The following C14orf180 variants were observed in gnomAD, a reference collection of about 807,000 sequenced individuals.
C14orf180 encodes the protein chromosome 14 open reading frame 180, also known as nutritionally-regulated adipose and cardiac enriched protein homolog.
In C14orf180, 13 loss-of-function variants were observed where a neutral mutation model predicts 13.9. That is an observed-to-expected ratio of 0.94 (90% CI 0.61 to 1.49). The LOEUF (loss-of-function observed/expected upper bound fraction) is 1.49, where lower values mean the gene tolerates loss of function less well. C14orf180 is among the 40% of genes most tolerant of loss of function. The pLI is 0.00. For missense variants in C14orf180, 238 were observed against 232.0 expected, an observed-to-expected ratio of 1.03 and a Z score of -0.17; for synonymous variants, 113 against 106.3, an observed-to-expected ratio of 1.06 and a Z score of -0.39.
At chr14:104,583,122 G>A (rs1226765118) in intron 1 of C14orf180, among the ~76,000 whole-genome samples, 2 of 152,204 alleles carry the variant, frequency 1.3e-5, no homozygotes, top group Admixed American at 6.5e-5. Context: ...CATGGCCCAC[G>A]TGAAGGTGCA....
At chr14:104,588,457 G>A in intron 4 of C14orf180, 121 bp from the exon 5 acceptor site, 1 of 1,466,128 alleles carries the variant, frequency 6.8e-7, no homozygotes. Flanking sequence ...ACCCCAAGAG[G>A]CTAGGGAGGG....
intron 1 of C14orf180, among the ~76,000 whole-genome samples, chr14:104,586,200 T>C (rs1442679174): frequency 6.6e-6 from 1 of 152,094 alleles, no homozygotes; most frequent in Non-Finnish European, 1.5e-5. Flanking sequence ...GCAAAGGAAA[T>C]TGCTTGCGAT....
intron 1 of C14orf180, 45 bp from the exon 2 acceptor site, chr14:104,586,370 G>C: frequency 8.2e-7 from 1 of 1,213,828 alleles, no homozygotes; most frequent in African/African-American, 1.6e-5. Flanking sequence ...TCCTCTGAGT[G>C]CCACTTGTGC....
In C14orf180 at chr14:104,588,690, G is replaced by C; in HGVS notation, c.390G>C (p.Thr130=). The C allele has an allele frequency of 6.5e-7, 1 of 1,535,380 alleles. No individual in the cohort carries two copies. The highest frequency in any genetic ancestry group is 8.7e-7 in the Non-Finnish European group (1 of 1,146,098). Residue 130 remains threonine (T), a synonymous_variant, in exon 5 of 5, where the codon ACG becomes ACC. Coordinates refer to ENST00000557649, the MANE Select transcript of C14orf180 (RefSeq NM_001008404.3). Reference sequence around the variant, plus strand: ...GCGGCCGGGCCAAGCCCGTGGCAACGGCACTGGAGGACCTGCGGGCCCGGC... The same window carrying C: ...GCGGCCGGGCCAAGCCCGTGGCAACCGCACTGGAGGACCTGCGGGCCCGGC... ...LYCGRAKPVA[T]ALEDLRARLL...
rs1036218786 is a variant in C14orf180 at position 104,590,342 on chromosome 14, A to C, written c.*1559A>C. ...AGAGGTTGGGTCTCTCAGAGCAGTC[A>C]CAGGCCCAGGCTCAGCCCTGTGTGC... On this transcript the variant is annotated 3_prime_UTR_variant, in exon 5 of 5. Transcript: ENST00000557649. 2 of 151,462 alleles carry C rather than the reference A, an allele frequency of 1.3e-5. No individual in the cohort carries two copies. Among genetic ancestry groups the C allele is most frequent in the African/African-American group, 4.9e-5 (2 of 41,138 alleles). 9.4% of individuals were successfully genotyped at this position (151,462 alleles called of 1,614,324 possible).
intron 1 of C14orf180, among the ~76,000 whole-genome samples, chr14:104,584,972 C>T (rs1057362422): frequency 6.6e-6 from 1 of 152,198 alleles, no homozygotes; most frequent in African/African-American, 2.4e-5. Flanking sequence ...AACCACTCCT[C>T]CCACAGGCCT....
rs550394387 is a variant in C14orf180 at position 104,582,970 on chromosome 14, G to A, written c.-17+2967G>A. Among the ~76,000 whole-genome samples the A allele has an allele frequency of 2.0e-5, 3 of 152,216 alleles. No homozygotes were observed. The East Asian group carries it at 5.8e-4, about 30-fold the overall frequency. ...CACTGGGGAAAATGAGGCCCAGGGAGGTCACACCACTTACCCGAGGTCACA... is the reference window on the plus strand; with the variant it reads ...CACTGGGGAAAATGAGGCCCAGGGAAGTCACACCACTTACCCGAGGTCACA... On this transcript the variant is annotated intron_variant, in intron 1 of 4. Coordinates refer to ENST00000557649, the MANE Select transcript of C14orf180 (RefSeq NM_001008404.3).
Position 104,588,671 on chromosome 14 carries a change from G to A in C14orf180, c.371G>A (p.Arg124Gln), listed in dbSNP as rs1403098326. 18 of 1,534,588 alleles carry A rather than the reference G, an allele frequency of 1.2e-5. No individual in the cohort carries two copies. The East Asian group carries it at 1.2e-4, about 10-fold the overall frequency. Reference protein sequence around the residue: ...LVLALGLYCGRAKPVATALED... With the variant: ...LVLALGLYCGQAKPVATALED... ...CTGGCCCTGGGCCTATACTGCGGCC[G>A]GGCCAAGCCCGTGGCAACGGCACTG... The change falls in exon 5 of 5, where the codon CGG (arginine) becomes CAG (glutamine). Residue 124 changes from arginine to glutamine, a missense_variant. Arg to Gln is a conservative substitution (Grantham distance 43). Transcript: ENST00000557649.
Position 104,588,702 on chromosome 14 carries a change from C to A in C14orf180, c.402C>A (p.Asp134Glu). ...RAKPVATALE[D>E]LRARLLGLVL... ...AGCCCGTGGCAACGGCACTGGAGGA[C>A]CTGCGGGCCCGGCTCCTCGGCCTTG... The change falls in exon 5 of 5, where the codon GAC becomes GAA. Residue 134 changes from aspartate (D) to glutamate (E), a missense_variant. By Grantham distance (45) the Asp-to-Glu change is conservative (BLOSUM62 2). Transcript: ENST00000557649. 2 of 1,535,686 alleles carry A rather than the reference C, an allele frequency of 1.3e-6. No homozygotes were observed. The highest frequency in any genetic ancestry group is 1.4e-5 in the African/African-American group (1 of 73,146).
Position 104,588,635 on chromosome 14 carries a change from T to C in C14orf180, c.335T>C (p.Val112Ala). 6.6e-7 allele frequency: 1 copy of C among 1,518,362 alleles called. No individual in the cohort carries two copies. Among genetic ancestry groups the C allele is most frequent in the Non-Finnish European group, 8.8e-7 (1 of 1,136,044 alleles). The allele number at this position is 1,518,362 out of a possible 1,614,324, so 94.1% of individuals were successfully genotyped here. Residue 112 changes from valine (V) to alanine (A), a missense_variant, in exon 5 of 5, where the codon GTC becomes GCC. By Grantham distance (64) the Val-to-Ala change is moderately conservative. Coordinates refer to ENST00000557649, the MANE Select transcript of C14orf180 (RefSeq NM_001008404.3). ...CTGCTCCTGCAGCTGTGTGTGTGCG[T>C]CCTGCTCGTGCTGGCCCTGGGCCTA... The part of the protein sequence containing the change: ...GSLLLQLCVC[V>A]LLVLALGLYC...
In C14orf180 at chr14:104,587,813, A is replaced by G; in HGVS notation, c.176A>G (p.Glu59Gly). The change falls in exon 3 of 5, where the codon GAG becomes GGG. Residue 59 changes from glutamate to glycine, a missense_variant. Glu to Gly is a moderately conservative substitution (Grantham distance 98). Coordinates refer to ENST00000557649, the MANE Select transcript of C14orf180 (RefSeq NM_001008404.3). ...KRSRPEHHRP[E>G]AKPQRTSRRV... is the part of the protein sequence containing the mutation. ...AGCCGGCCGGAGCACCACCGCCCAGAGGCCAAGCCCCAGAGGACCTCGAGG... is the reference window on the plus strand; with the variant it reads ...AGCCGGCCGGAGCACCACCGCCCAGGGGCCAAGCCCCAGAGGACCTCGAGG... The G allele has an allele frequency of 1.2e-6, 2 of 1,612,528 alleles. No homozygotes were observed. Among genetic ancestry groups the G allele is most frequent in the East Asian group, 2.2e-5 (1 of 44,852 alleles).
rs1886764664 is a variant in C14orf180, at chr14:104,589,312, GCCATCC to G, written c.*530_*535del. On this transcript the variant is annotated 3_prime_UTR_variant, in exon 5 of 5. Coordinates refer to ENST00000557649, the MANE Select transcript of C14orf180 (RefSeq NM_001008404.3). This position sits in a 1 kb window ranked among gnomAD's most constrained non-coding sequence, Gnocchi z 4.9. The stretch of plus-strand genomic sequence containing the variant: ...AAGGTGGGTCCCTTTGATGTGAGGT[GCCATCC>G]TCTGAGCCCAGGTCTGACCCCCCTA... 1.2e-5 allele frequency: 2 copies of G among 162,510 alleles called. No homozygotes were observed. Among genetic ancestry groups the G allele is most frequent in the African/African-American group, 4.9e-5 (2 of 40,432 alleles). The allele number at this position is 162,510 out of a possible 1,614,324, so 10.1% of individuals were successfully genotyped here.
chr14:104,589,224 C>T lies in C14orf180; in HGVS notation c.*441C>T, dbSNP rs932970995. ...CGGAGGAGGCAAACCCAGCCTTTTG[C>T]GATTATGGCTTGTGGGGAATCCAGA... On this transcript the variant is annotated 3_prime_UTR_variant, in exon 5 of 5. Coordinates refer to ENST00000557649, the MANE Select transcript of C14orf180 (RefSeq NM_001008404.3). The surrounding 1 kb of genome is among the most constrained non-coding windows in gnomAD (Gnocchi z 4.9). 14 of 273,224 alleles carry T rather than the reference C, an allele frequency of 5.1e-5. No homozygotes were observed. Among genetic ancestry groups the T allele is most frequent in the Non-Finnish European group, 8.2e-5 (12 of 147,006 alleles). The allele number at this position is 273,224 out of a possible 1,614,324, so 16.9% of individuals were successfully genotyped here.
rs1204562333 is a variant in C14orf180 at position 104,586,451 on chromosome 14, C to T, written c.21C>T (p.Ala7=). MRTAAG[A]VSPDSRPETR... ...AGTAAATGAGGACTGCAGCAGGAGC[C>T]GTGAGCCCTGACTCCCGGCCAGAGA... Residue 7 remains alanine, a synonymous_variant, in exon 2 of 5, where the codon GCC becomes GCT. Coordinates refer to ENST00000557649, the MANE Select transcript of C14orf180 (RefSeq NM_001008404.3). The T allele has an allele frequency of 1.2e-5, 18 of 1,542,704 alleles. No homozygotes were observed. The highest frequency in any genetic ancestry group is 4.0e-5 in the Admixed American group (2 of 49,406).
chr14:104,587,944 C>A, intron 3 of C14orf180, 66 bp downstream of exon 3: 1 of 1,520,612 alleles, frequency 6.6e-7, no homozygotes, highest in South Asian at 1.3e-5. Context: ...GCGGGGACAC[C>A]GGCCACACCC....
At position 104,588,896 on chromosome 14, in the gene C14orf180, G is replaced by A. The variant is rs1175205864; in HGVS notation, c.*113G>A. 1 of 1,471,732 alleles carries A rather than the reference G, an allele frequency of 6.8e-7. No individual in the cohort carries two copies. Among genetic ancestry groups the A allele is most frequent in the Non-Finnish European group, 9.0e-7 (1 of 1,112,256 alleles). 91.2% of individuals were successfully genotyped at this position (1,471,732 alleles called of 1,614,324 possible). A position where few individuals can be genotyped will look rare whatever the true frequency, so the allele number is the denominator to read the frequency against. ...CTTGGTGAATCATGGGGGCCAAAAG[G>A]GGCTGCTGCCTGAGGGCTAACTAGG... is the stretch of plus-strand genomic sequence containing the variant. On this transcript the variant is annotated 3_prime_UTR_variant, in exon 5 of 5. Coordinates refer to ENST00000557649, the MANE Select transcript of C14orf180 (RefSeq NM_001008404.3).
intron 1 of C14orf180, among the ~76,000 whole-genome samples, chr14:104,585,881 G>C (rs1886601691): frequency 6.6e-6 from 1 of 152,138 alleles, no homozygotes; most frequent in South Asian, 2.1e-4. Context: ...GCCCCCAGGA[G>C]CCCAGGGGCG....
intron 1 of C14orf180, among the ~76,000 whole-genome samples, chr14:104,581,916 G>A (rs1886450468): frequency 6.6e-6 from 1 of 152,176 alleles, no homozygotes; most frequent in African/African-American, 2.4e-5. Flanking sequence ...GCCAGGCGAG[G>A]GGTGAGCCGG....
rs1886376417 is a variant in C14orf180 at position 104,579,768 on chromosome 14, C to T, written c.-252C>T. 6.6e-6 allele frequency: 1 copy of T among 152,344 alleles called. No individual in the cohort carries two copies. Among genetic ancestry groups the T allele is most frequent in the African/African-American group, 2.4e-5 (1 of 41,470 alleles). 9.4% of individuals were successfully genotyped at this position (152,344 alleles called of 1,614,324 possible). On this transcript the variant is annotated 5_prime_UTR_variant, in exon 1 of 5. Coordinates refer to ENST00000557649, the MANE Select transcript of C14orf180 (RefSeq NM_001008404.3). ...GCTGGAGACGGGACGAAGGCCACAACAGACCCGGCCCTGCCAGCGGGCGGT... is the reference window on the plus strand; with the variant it reads ...GCTGGAGACGGGACGAAGGCCACAATAGACCCGGCCCTGCCAGCGGGCGGT...
Sources: gnomAD v4.1 joint callset for allele counts (sites outside exome capture counted in the v4.1 genomes callset) on GRCh38, gnomAD v4.1.1 for gene constraint, Gnocchi (gnomAD v3.1) non-coding constraint, MANE v1.5 for transcripts, NCBI Gene and HGNC (gene_info 2026-07-23, HGNC 2026-07-21) for gene names.